Variants in SCAF8 observed in about 807,000 individuals in gnomAD.
The protein encoded by SCAF8 is SR-related CTD associated factor 8, also known as SR-related and CTD-associated factor 8.
A neutral mutation model predicts 140.5 loss-of-function variants in SCAF8; 23 were observed. The ratio of observed to expected loss-of-function variants is 0.16; its 90% CI spans 0.12 to 0.23. The LOEUF (loss-of-function observed/expected upper bound fraction) is 0.23. Among genes scored for constraint, SCAF8 ranks in the 10% least tolerant of loss-of-function variants. The pLI is 1.00. For missense variants in SCAF8, 1,397 were observed against 1,555.7 expected (o/e 0.90, Z 1.72); for synonymous variants, 575 against 528.9 (o/e 1.09, Z -1.20).
chr6:154,807,340 A>C (rs1050246175), intron 9 of SCAF8, among the ~76,000 whole-genome samples: 2 of 152,170 alleles, frequency 1.3e-5, no homozygotes, highest in African/African-American at 4.8e-5. Context: ...GTTCTGAAAA[A>C]CCTCATTGTT....
chr6:154,742,775 A>T (rs1778604062), intron 1 of SCAF8, among the ~76,000 whole-genome samples: 3 of 152,170 alleles, frequency 2.0e-5, no homozygotes, highest in Admixed American at 2.0e-4. Flanking sequence ...TATGTTGCTC[A>T]TGTTCTCTAA....
chr6:154,779,787 A>G (rs375275176), intron 3 of SCAF8, among the ~76,000 whole-genome samples: 4,104 of 68,692 alleles, frequency 0.06, 74 homozygotes, highest in East Asian at 0.29. Context: ...GTGTGTATAT[A>G]TATATATATA....
intron 1 of SCAF8, among the ~76,000 whole-genome samples, chr6:154,747,223 A>G (rs1343477251): frequency 6.6e-6 from 1 of 152,210 alleles, no homozygotes; most frequent in Admixed American, 6.5e-5. Context: ...CTTAAAATAT[A>G]GAACCGTGCG....
At chr6:154,791,975 G>A (rs527977917) in intron 4 of SCAF8, among the ~76,000 whole-genome samples, 2 of 151,850 alleles carry the variant, frequency 1.3e-5, no homozygotes, top group African/African-American at 4.8e-5. Flanking sequence ...TCAAAAGTCT[G>A]CTTGCCAGTG....
In SCAF8 at chr6:154,808,376, A is replaced by G. The variant is rs377372185; in HGVS notation, c.1113+175A>G. 2.0e-5 allele frequency among the ~76,000 whole-genome samples: 3 copies of G among 152,186 alleles called. No homozygotes were observed. The East Asian group carries it at 5.8e-4, about 29-fold the overall frequency. On this transcript the variant is annotated intron_variant, in intron 10 of 19. Transcript: ENST00000367178. ...AGGCCTAAGCATGGCCCCTAGGCCA[A>G]GCACATGGCCCAGAACTGCTTTGAA...
chr6:154,821,202 G>A (rs1399248925), intron 15 of SCAF8, among the ~76,000 whole-genome samples: 2 of 152,180 alleles, frequency 1.3e-5, no homozygotes, highest in Non-Finnish European at 2.9e-5. Flanking sequence ...GTAGAGTGTA[G>A]CGCAGAGGTC....
At chr6:154,740,954 C>A (rs1385411325) in intron 1 of SCAF8, among the ~76,000 whole-genome samples, 6 of 152,040 alleles carry the variant, frequency 3.9e-5, no homozygotes, top group Non-Finnish European at 7.4e-5. Context: ...TGGATGCAAT[C>A]CTAGGTAGCT....
intron 4 of SCAF8, among the ~76,000 whole-genome samples, chr6:154,788,321 A>G (rs1777313559): frequency 6.6e-6 from 1 of 152,204 alleles, no homozygotes; most frequent in Admixed American, 6.5e-5. Flanking sequence ...CTAGGTGTGT[A>G]GTAGGCTATA....
intron 15 of SCAF8, 54 bp from the exon 16 acceptor site, chr6:154,822,222 A>G (rs1778438484): frequency 1.3e-6 from 2 of 1,550,582 alleles, no homozygotes; most frequent in African/African-American, 2.8e-5. Flanking sequence ...TACAAAGAAG[A>G]AAATGAAAAG....
At chr6:154,766,714 A>G (rs1435583733) in intron 1 of SCAF8, among the ~76,000 whole-genome samples, 1 of 106,266 alleles carries the variant, frequency 9.4e-6, no homozygotes, top group Non-Finnish European at 1.7e-5. Flanking sequence ...GATTACCTTC[A>G]TTGGTTCTGT....
At chr6:154,784,633 A>G (rs1200948634) in intron 3 of SCAF8, among the ~76,000 whole-genome samples, 4 of 152,178 alleles carry the variant, frequency 2.6e-5, no homozygotes, top group Admixed American at 6.5e-5. Context: ...AGTGATGTGT[A>G]GGCATTGTAT....
intron 7 of SCAF8, among the ~76,000 whole-genome samples, chr6:154,803,085 T>G (rs1156958272): frequency 6.6e-6 from 1 of 152,144 alleles, no homozygotes. Flanking sequence ...CTTAGACTGT[T>G]TTGGCCAGCA....
Position 154,746,738 on chromosome 6 carries a change from A to C in SCAF8, c.30+12808A>C, listed in dbSNP as rs544876192. On this transcript the variant is annotated intron_variant, in intron 1 of 19. Transcript: ENST00000367178. ...CATGTAGTTAAAATACTATGTACAAACATTACTTGGTTAGTTTTCTCCCCC... is the reference window on the plus strand; with the variant it reads ...CATGTAGTTAAAATACTATGTACAACCATTACTTGGTTAGTTTTCTCCCCC... Among the ~76,000 whole-genome samples the C allele has an allele frequency of 2.0e-5, 3 of 152,320 alleles. No homozygotes were observed. The East Asian group carries it at 5.8e-4, about 29-fold the overall frequency.
At chr6:154,787,563 A>G (rs1235707369) in intron 3 of SCAF8, among the ~76,000 whole-genome samples, 1 of 152,186 alleles carries the variant, frequency 6.6e-6, no homozygotes, top group African/African-American at 2.4e-5. Context: ...GTAGCTTTTC[A>G]CAGTGGTTAA....
At chr6:154,766,213 T>A (rs1776560991) in intron 1 of SCAF8, among the ~76,000 whole-genome samples, 1 of 152,094 alleles carries the variant, frequency 6.6e-6, no homozygotes, top group African/African-American at 2.4e-5. Flanking sequence ...GTGATTGGTC[T>A]TGCTGTCTCA....
chr6:154,806,080 G>C (rs917680127), intron 9 of SCAF8, among the ~76,000 whole-genome samples: 3 of 152,126 alleles, frequency 2.0e-5, no homozygotes, highest in African/African-American at 7.2e-5. Context: ...TGTACAGCTA[G>C]TGTTATATAT....
Position 154,805,410 on chromosome 6 carries a change from A to G in SCAF8, c.905A>G (p.Gln302Arg). 1 of 1,611,978 alleles carries G rather than the reference A, an allele frequency of 6.2e-7. No individual in the cohort carries two copies. Among genetic ancestry groups the G allele is most frequent in the South Asian group, 1.1e-5 (1 of 90,850 alleles). ...TCTGTGAACAATTCCATTTTTCATC[A>G]GATAGCAGAACAACTACAACAGCAA... Reference protein sequence around the residue: ...SESVNNSIFHQIAEQLQQQNL... With the variant: ...SESVNNSIFHRIAEQLQQQNL... The change falls in exon 9 of 20, where the codon CAG becomes CGG. Residue 302 changes from glutamine to arginine, a missense_variant. By Grantham distance (43) the Gln-to-Arg change is conservative. Transcript: ENST00000367178.
intron 3 of SCAF8, among the ~76,000 whole-genome samples, chr6:154,784,447 C>T (rs1202964369): frequency 1.3e-5 from 2 of 151,920 alleles, no homozygotes; most frequent in African/African-American, 2.4e-5. Flanking sequence ...AAACTTTTGC[C>T]TCTTGCTTTA....
intron 6 of SCAF8, 152 bp from the exon 7 acceptor site, chr6:154,801,819 A>C: frequency 2.0e-6 from 1 of 502,614 alleles, no homozygotes; most frequent in Non-Finnish European, 3.5e-6. Flanking sequence ...TAAGGTACAC[A>C]GAAAAACTTC....
Sources: allele counts gnomAD v4.1 joint callset (sites outside exome capture counted in the v4.1 genomes callset), GRCh38; gene constraint gnomAD v4.1.1; transcripts MANE v1.5; gene names NCBI Gene and HGNC (gene_info 2026-07-23, HGNC 2026-07-21).